The following GRID2 variants were observed in gnomAD, a reference collection of about 807,000 sequenced individuals.
GRID2 encodes glutamate receptor ionotropic, delta-2.
In GRID2, 33 loss-of-function variants were observed where a neutral mutation model predicts 114.8. The ratio of observed to expected loss-of-function variants is 0.29; its 90% CI spans 0.22 to 0.38. The LOEUF (loss-of-function observed/expected upper bound fraction) is 0.38, where lower values mean the gene tolerates loss of function less well. GRID2 is among the 10% of genes least tolerant of loss of function. The pLI, the probability that GRID2 is intolerant of heterozygous loss-of-function variation, is 1.00. For synonymous variants in GRID2, 505 were observed against 449.9 expected (o/e 1.12, Z -1.55); for missense variants, 1,184 against 1,257.7 (o/e 0.94, Z 0.89).
At chr4:93,524,200 C>T (rs780466678) in intron 13 of GRID2, among the ~76,000 whole-genome samples, 1 of 152,064 alleles carries the variant, frequency 6.6e-6, no homozygotes, top group South Asian at 2.1e-4. Flanking sequence ...AACTCAACAG[C>T]TTTGGTTCTA....
At chr4:93,173,498 A>C (rs1739048904) in intron 4 of GRID2, among the ~76,000 whole-genome samples, 1 of 152,222 alleles carries the variant, frequency 6.6e-6, no homozygotes, top group South Asian at 2.1e-4. Flanking sequence ...GCCCATGCTT[A>C]CTAAAGATTT....
At chr4:93,800,759 T>C (rs1734912221) in intron 1 of GRID2, among the ~76,000 whole-genome samples, 1 of 152,244 alleles carries the variant, frequency 6.6e-6, no homozygotes, top group African/African-American at 2.4e-5. Context: ...AAATAATTAC[T>C]ACTACTGTTA....
At chr4:93,177,015 C>T (rs1739406283) in intron 4 of GRID2, among the ~76,000 whole-genome samples, 1 of 152,084 alleles carries the variant, frequency 6.6e-6, no homozygotes, top group African/African-American at 2.4e-5. Flanking sequence ...GTAAGTTCTC[C>T]TACCTAGCAG....
At chr4:93,383,056 G>A (rs1764009611) in intron 8 of GRID2, among the ~76,000 whole-genome samples, 1 of 152,048 alleles carries the variant, frequency 6.6e-6, no homozygotes, top group African/African-American at 2.4e-5. Context: ...TTTCCCGTGT[G>A]TATGTGGTTG....
At chr4:92,658,340 T>C (rs1732347451) in intron 2 of GRID2, among the ~76,000 whole-genome samples, 1 of 151,790 alleles carries the variant, frequency 6.6e-6, no homozygotes, top group Admixed American at 6.6e-5. Flanking sequence ...CTCATTAAAA[T>C]GTGAATCCAC....
intron 2 of GRID2, among the ~76,000 whole-genome samples, chr4:92,711,583 C>T (rs1456287819): frequency 6.6e-6 from 1 of 152,112 alleles, no homozygotes; most frequent in Admixed American, 6.6e-5. Context: ...TATTCTGCTA[C>T]CAGCTGGAGA....
chr4:93,188,867 C>T (rs1477513525), intron 4 of GRID2, among the ~76,000 whole-genome samples: 1 of 152,116 alleles, frequency 6.6e-6, no homozygotes, highest in Non-Finnish European at 1.5e-5. Context: ...ACAAGAATCA[C>T]CTTTCCTCAA....
intron 1 of GRID2, among the ~76,000 whole-genome samples, chr4:92,393,377 T>C (rs1344434619): frequency 3.3e-5 from 5 of 152,216 alleles, no homozygotes. Flanking sequence ...TCTTACATAA[T>C]ATCTCTCTTC....
At chr4:93,077,023 T>C (rs568270395) in intron 2 of GRID2, among the ~76,000 whole-genome samples, 3 of 152,270 alleles carry the variant, frequency 2.0e-5, no homozygotes, top group South Asian at 2.1e-4. Context: ...GGGAATGACA[T>C]AATGCGATTC....
chr4:92,543,860 T>C (rs1726103490), intron 1 of GRID2, among the ~76,000 whole-genome samples: 1 of 152,144 alleles, frequency 6.6e-6, no homozygotes, highest in South Asian at 2.1e-4. Flanking sequence ...TGGTCAGTTA[T>C]TATCAGAGGG....
intron 2 of GRID2, among the ~76,000 whole-genome samples, chr4:92,707,768 A>C (rs1258953833): frequency 6.6e-6 from 1 of 152,222 alleles, no homozygotes; most frequent in Non-Finnish European, 1.5e-5. Flanking sequence ...AAATAACAGC[A>C]AGAAAACTTT....
At chr4:92,446,652 C>T (rs1733484775) in intron 1 of GRID2, among the ~76,000 whole-genome samples, 1 of 152,122 alleles carries the variant, frequency 6.6e-6, no homozygotes, top group Non-Finnish European at 1.5e-5. Context: ...TTTGAGGTCT[C>T]CTTAGTTACT....
At chr4:93,109,426 A>T (rs1732561552) in intron 3 of GRID2, among the ~76,000 whole-genome samples, 1 of 152,328 alleles carries the variant, frequency 6.6e-6, no homozygotes, top group Admixed American at 6.5e-5. Context: ...TGTTTTAGTC[A>T]ATTTGTAACC....
intron 1 of GRID2, among the ~76,000 whole-genome samples, chr4:92,493,814 A>T (rs1481720788): frequency 1.3e-5 from 2 of 152,184 alleles, no homozygotes. Context: ...AGCTGTTTCC[A>T]ATAGGAGACC....
chr4:93,198,079 G>C (rs2149456120), intron 4 of GRID2, among the ~76,000 whole-genome samples: 1 of 152,110 alleles, frequency 6.6e-6, no homozygotes, highest in East Asian at 1.9e-4. Context: ...GGGCTATATG[G>C]TTCTCTTATT....
chr4:93,733,751 A>C (rs566799902), intron 14 of GRID2, among the ~76,000 whole-genome samples: 3 of 152,038 alleles, frequency 2.0e-5, no homozygotes, highest in Admixed American at 6.6e-5. Flanking sequence ...AGATTTCCAA[A>C]TCTGCAGGAT....
chr4:92,991,967 G>A (rs1370476039), intron 2 of GRID2, among the ~76,000 whole-genome samples: 2 of 152,130 alleles, frequency 1.3e-5, no homozygotes, highest in Admixed American at 6.5e-5. Context: ...CAACGTATGT[G>A]AGGGGAATAA....
In GRID2 at chr4:93,181,816, C is replaced by G. The variant is rs116396424; in HGVS notation, c.736-25588C>G. The stretch of plus-strand genomic sequence containing the variant: ...TTCTACACAGCACATAGACTAGTAC[C>G]TGAAGATGTAAAGATTCCTCATAGT... On this transcript the variant is annotated intron_variant, in intron 4 of 15. Coordinates refer to ENST00000282020, the MANE Select transcript of GRID2 (RefSeq NM_001510.4). 4.7e-3 allele frequency among the ~76,000 whole-genome samples: 716 copies of G among 152,184 alleles called. 7 individuals carry two copies. The highest frequency in any genetic ancestry group is 0.017 in the African/African-American group (694 of 41,540).
rs113995806 is a variant in GRID2, at chr4:93,366,830, G to A, written c.1246-28777G>A. ...ATAGAAAAGAACCTACATGAATATC[G>A]GGGCAATTCCCCGATAAAATATATT... On this transcript the variant is annotated intron_variant, in intron 8 of 15. Transcript: ENST00000282020. 9.7e-3 allele frequency among the ~76,000 whole-genome samples: 1,468 copies of A among 151,862 alleles called. 20 individuals carry two copies. Among genetic ancestry groups the A allele is most frequent in the African/African-American group, 0.034 (1,410 of 41,390 alleles).
Sources: gnomAD v4.1 joint callset for allele counts (sites outside exome capture counted in the v4.1 genomes callset) on GRCh38, gnomAD v4.1.1 for gene constraint, MANE v1.5 for transcripts, NCBI Gene and HGNC (gene_info 2026-07-23, HGNC 2026-07-21) for gene names.